PLPP4: variants seen among roughly 807,000 people sequenced by gnomAD.
PLPP4 encodes phospholipid phosphatase 4.
PLPP4 carries 20 observed loss-of-function variants against 32.2 expected under a neutral mutation model. That is an observed-to-expected ratio of 0.62 (90% CI 0.44 to 0.90). The LOEUF (loss-of-function observed/expected upper bound fraction) is 0.90, where lower values mean the gene tolerates loss of function less well. Among genes scored for constraint, PLPP4 ranks in the 40% least tolerant of loss-of-function variants. The pLI is 0.00. For synonymous variants in PLPP4, 127 were observed against 133.0 expected (o/e 0.95, Z 0.31); for missense variants, 257 against 353.1 (o/e 0.73, Z 2.18).
chr10:120,563,503 A>G (rs1445102002), intron 5 of PLPP4, among the ~76,000 whole-genome samples: 1 of 151,862 alleles, frequency 6.6e-6, no homozygotes, highest in Non-Finnish European at 1.5e-5. Flanking sequence ...TAGAGTTATA[A>G]AAATCTTGAA....
intron 1 of PLPP4, among the ~76,000 whole-genome samples, chr10:120,469,561 A>G (rs777726252): frequency 3.9e-5 from 6 of 152,118 alleles, no homozygotes; most frequent in Non-Finnish European, 7.4e-5. Flanking sequence ...TTGGGCCAAT[A>G]CTAGGAAGAA....
At chr10:120,504,035 A>G (rs1380330338) in intron 2 of PLPP4, 109 bp downstream of exon 2, 4 of 731,674 alleles carry the variant, frequency 5.5e-6, no homozygotes, top group South Asian at 1.7e-5. Flanking sequence ...CCTGAGAGAA[A>G]GAGAAGGAGA....
chr10:120,546,854 A>G (rs188204967), intron 5 of PLPP4, among the ~76,000 whole-genome samples: 5 of 152,350 alleles, frequency 3.3e-5, no homozygotes, highest in East Asian at 1.9e-4. Flanking sequence ...GGATAATGCT[A>G]GAGAATACAT....
At position 120,581,110 on chromosome 10, in the gene PLPP4, A is replaced by G. The variant is rs1006396787; in HGVS notation, c.616+5809A>G. 3 of 1,232,352 alleles carry G rather than the reference A, an allele frequency of 2.4e-6. No homozygotes were observed. The African/African-American group carries it at 4.7e-5, about 19-fold the overall frequency. The allele number at this position is 1,232,352 out of a possible 1,614,324, so 76.3% of individuals were successfully genotyped here. On this transcript the variant is annotated intron_variant, in intron 6 of 6. Transcript: ENST00000398250. ...TCCTGCTTTCAGCCTCAAGAGAGGC[A>G]TTCTCAGTCAGGACTTCTGCCCTCT...
intron 1 of PLPP4, among the ~76,000 whole-genome samples, chr10:120,491,306 A>G (rs1432080301): frequency 2.0e-5 from 3 of 152,190 alleles, no homozygotes; most frequent in African/African-American, 7.2e-5. Flanking sequence ...CTCATCACTC[A>G]AAGTTATTAA....
At chr10:120,484,791 T>C (rs1405214297) in intron 1 of PLPP4, among the ~76,000 whole-genome samples, 1 of 152,188 alleles carries the variant, frequency 6.6e-6, no homozygotes, top group Non-Finnish European at 1.5e-5. Context: ...ACGTATAACC[T>C]TACATGGCCA....
chr10:120,521,808 AG>A (rs1199445682), intron 5 of PLPP4, among the ~76,000 whole-genome samples: 1 of 152,238 alleles, frequency 6.6e-6, no homozygotes. Flanking sequence ...ACATTTCTGG[AG>A]CAGCAGCTAT....
chr10:120,531,087 C>CTTTTT (rs71019773), intron 5 of PLPP4, among the ~76,000 whole-genome samples: 6 of 100,396 alleles, frequency 6.0e-5, no homozygotes, highest in African/African-American at 1.2e-4. Flanking sequence ...CTGTCATTTT[C>CTTTTT]TTTTTTTTTT....
intron 1 of PLPP4, among the ~76,000 whole-genome samples, chr10:120,498,572 A>G (rs901898293): frequency 6.6e-6 from 1 of 152,192 alleles, no homozygotes; most frequent in African/African-American, 2.4e-5. Context: ...CAATGATACA[A>G]TGGATAACTA....
At chr10:120,538,038 CTCTCTCTCTCTCTCTG>C (rs1847132351) in intron 5 of PLPP4, among the ~76,000 whole-genome samples, 1 of 47,996 alleles carries the variant, frequency 2.1e-5, no homozygotes, top group African/African-American at 7.0e-5. Context: ...CTCTCTCTCT[CTCTCTCTCTCTCTCTG>C]TGTGTGTGTG....
intron 5 of PLPP4, among the ~76,000 whole-genome samples, chr10:120,535,972 A>G (rs1433509858): frequency 3.9e-5 from 6 of 152,178 alleles, no homozygotes; most frequent in Non-Finnish European, 8.8e-5. Context: ...GAAATTCAAA[A>G]TTACCATGTG....
chr10:120,589,031 G>A (rs1365030673), intron 6 of PLPP4, among the ~76,000 whole-genome samples: 2 of 152,158 alleles, frequency 1.3e-5, no homozygotes, highest in South Asian at 2.1e-4. Context: ...GGGCAACAGA[G>A]CAAGATTCCA....
At chr10:120,504,224 TG>T (rs1201486331) in intron 2 of PLPP4, among the ~76,000 whole-genome samples, 2 of 152,224 alleles carry the variant, frequency 1.3e-5, no homozygotes, top group African/African-American at 4.8e-5. Context: ...TCATCGCAGA[TG>T]GAACAATGGC....
intron 6 of PLPP4, among the ~76,000 whole-genome samples, chr10:120,588,769 G>T (rs1849880092): frequency 6.6e-6 from 1 of 152,240 alleles, no homozygotes; most frequent in African/African-American, 2.4e-5. Context: ...GGAAGGGCTG[G>T]GTGTGGAGGC....
intron 1 of PLPP4, among the ~76,000 whole-genome samples, chr10:120,467,153 A>G (rs1407039033): frequency 1.5e-5 from 2 of 131,566 alleles, no homozygotes; most frequent in African/African-American, 5.3e-5. Flanking sequence ...ATCTCGGCTC[A>G]CTGCAAGCTC....
chr10:120,572,283 G>A (rs1848979337), intron 5 of PLPP4, among the ~76,000 whole-genome samples: 1 of 152,230 alleles, frequency 6.6e-6, no homozygotes, highest in South Asian at 2.1e-4. Context: ...CGGATGCTGA[G>A]GATCTCACCT....
chr10:120,589,301 AG>A lies in PLPP4; in HGVS notation c.617-1del. 6.2e-7 allele frequency: 1 copy of A among 1,614,068 alleles called. No individual in the cohort carries two copies. The highest frequency in any genetic ancestry group is 1.1e-5 in the South Asian group (1 of 91,066). On this transcript the variant is annotated splice_acceptor_variant, in intron 6 of 6. Transcript: ENST00000398250. LOFTEE classifies it high-confidence loss of function. Reference sequence around the variant, plus strand: ...TTTCCTGCTCTGCTGTTTCCTGCCTAGATTCCTTTGTGGGTGGAGTCATCGG... The same window carrying A: ...TTTCCTGCTCTGCTGTTTCCTGCCTAATTCCTTTGTGGGTGGAGTCATCGG...
intron 6 of PLPP4, among the ~76,000 whole-genome samples, chr10:120,586,271 A>G (rs979951697): frequency 6.7e-6 from 1 of 149,912 alleles, no homozygotes; most frequent in Non-Finnish European, 1.5e-5. Context: ...AGTAGCTGAG[A>G]TTAAGGCACA....
At chr10:120,529,487 A>G (rs1443268181) in intron 5 of PLPP4, among the ~76,000 whole-genome samples, 1 of 152,168 alleles carries the variant, frequency 6.6e-6, no homozygotes, top group East Asian at 1.9e-4. Context: ...CTCTTTCTCA[A>G]AGAAATAGCT....
Sources: allele counts gnomAD v4.1 joint callset (sites outside exome capture counted in the v4.1 genomes callset), GRCh38; gene constraint gnomAD v4.1.1; transcripts MANE v1.5; gene names NCBI Gene and HGNC (gene_info 2026-07-23, HGNC 2026-07-21).